The following CWF19L2 variants were observed in gnomAD, a reference collection of about 807,000 sequenced individuals.
The protein encoded by CWF19L2 is CWF19-like protein 2.
A neutral mutation model predicts 111.7 loss-of-function variants in CWF19L2; 98 were observed. The observed-to-expected ratio is 0.88, with a 90% confidence interval of 0.75 to 1.04. The LOEUF (loss-of-function observed/expected upper bound fraction) is 1.04. Ranked by LOEUF, CWF19L2 falls within the 50% of genes least tolerant of loss-of-function variation. The probability of loss-of-function intolerance (pLI) is 0.00; values close to 1 mark genes in which losing one functional copy is unlikely to be tolerated. For synonymous variants in CWF19L2, 351 were observed against 342.9 expected, an observed-to-expected ratio of 1.02 and a Z score of -0.26; for missense variants, 1,101 against 1,051.4, an observed-to-expected ratio of 1.05 and a Z score of -0.65.
chr11:107,392,210 A>T (rs1403848413), intron 11 of CWF19L2, among the ~76,000 whole-genome samples: 1 of 152,218 alleles, frequency 6.6e-6, no homozygotes, highest in Non-Finnish European at 1.5e-5. Context: ...TTGTATATGC[A>T]ATTATCACTT....
At chr11:107,413,390 A>C (rs865796598) in intron 10 of CWF19L2, among the ~76,000 whole-genome samples, 16 of 152,164 alleles carry the variant, frequency 1.1e-4, no homozygotes, top group African/African-American at 3.4e-4. Flanking sequence ...AAGAAGGGTG[A>C]TGTCTGGCAC....
chr11:107,443,881 G>T (rs973722771), intron 3 of CWF19L2, among the ~76,000 whole-genome samples: 1 of 151,944 alleles, frequency 6.6e-6, no homozygotes, highest in Admixed American at 6.6e-5. Context: ...AGAAAACTAG[G>T]GCCACCTTAT....
intron 14 of CWF19L2, among the ~76,000 whole-genome samples, chr11:107,347,736 T>G (rs755188943): frequency 2.0e-5 from 3 of 152,208 alleles, no homozygotes; most frequent in Non-Finnish European, 4.4e-5. Context: ...CCTAAAATAT[T>G]ATATTTGTGT....
At chr11:107,408,924 G>A (rs1861119011) in intron 10 of CWF19L2, among the ~76,000 whole-genome samples, 1 of 151,958 alleles carries the variant, frequency 6.6e-6, no homozygotes, top group Admixed American at 6.6e-5. Context: ...AATTGAGAGT[G>A]CAAAGGCCTT....
At chr11:107,413,829 A>G (rs1861190161) in intron 10 of CWF19L2, among the ~76,000 whole-genome samples, 1 of 152,168 alleles carries the variant, frequency 6.6e-6, no homozygotes, top group Non-Finnish European at 1.5e-5. Flanking sequence ...AATTCTAGGG[A>G]AGTTGACATT....
chr11:107,370,463 T>C (rs1284610761), intron 12 of CWF19L2, among the ~76,000 whole-genome samples: 1 of 136,130 alleles, frequency 7.3e-6, no homozygotes, highest in African/African-American at 3.0e-5. Context: ...TCACAAAAGA[T>C]TTGAGAATTA....
chr11:107,430,787 A>T (rs1435400898), intron 7 of CWF19L2, among the ~76,000 whole-genome samples: 1 of 152,066 alleles, frequency 6.6e-6, no homozygotes, highest in Non-Finnish European at 1.5e-5. Flanking sequence ...AAGCCTGGAG[A>T]TACGATGTAC....
chr11:107,327,923 T>C (rs1480117270), intron 17 of CWF19L2, among the ~76,000 whole-genome samples: 2 of 152,144 alleles, frequency 1.3e-5, no homozygotes, highest in East Asian at 3.9e-4. Context: ...ACATAATCTT[T>C]CAGATGCAGG....
At chr11:107,445,868 A>G (rs886896643) in intron 3 of CWF19L2, among the ~76,000 whole-genome samples, 5 of 152,202 alleles carry the variant, frequency 3.3e-5, no homozygotes, top group African/African-American at 9.6e-5. Context: ...GAAGTAATGT[A>G]CTTCCCATGC....
At chr11:107,408,007 G>A (rs1464521461) in intron 10 of CWF19L2, among the ~76,000 whole-genome samples, 1 of 151,904 alleles carries the variant, frequency 6.6e-6, no homozygotes, top group East Asian at 1.9e-4. Flanking sequence ...AAGGCTTACA[G>A]ATAGTAGTCA....
In CWF19L2 at chr11:107,326,856, T is replaced by A. The variant is rs1445022252; in HGVS notation, c.*54A>T. 5 of 1,473,274 alleles carry A rather than the reference T, an allele frequency of 3.4e-6. No individual in the cohort carries two copies. The highest frequency in any genetic ancestry group is 4.6e-6 in the Non-Finnish European group (5 of 1,093,844). The allele number at this position is 1,473,274 out of a possible 1,614,324, so 91.3% of individuals were successfully genotyped here. A position where few individuals can be genotyped will look rare whatever the true frequency, so the allele number is the denominator to read the frequency against. On this transcript the variant is annotated 3_prime_UTR_variant, in exon 18 of 18. Transcript: ENST00000282251. Reference sequence around the variant, plus strand: ...GGGTCAGTTGCTTCATTAGATGCAATGGAAATAAAACTGAACGGGATCTGA... The same window carrying A: ...GGGTCAGTTGCTTCATTAGATGCAAAGGAAATAAAACTGAACGGGATCTGA...
intron 3 of CWF19L2, among the ~76,000 whole-genome samples, chr11:107,449,183 T>C (rs558393611): frequency 2.0e-5 from 3 of 149,780 alleles, no homozygotes; most frequent in South Asian, 4.2e-4. Context: ...AAATTCTTTA[T>C]CTAGCCAAGT....
intron 3 of CWF19L2, among the ~76,000 whole-genome samples, chr11:107,454,158 G>A (rs1285924979): frequency 6.6e-6 from 1 of 152,202 alleles, no homozygotes; most frequent in Non-Finnish European, 1.5e-5. Flanking sequence ...GGCCTTGAGT[G>A]AACACCAGCT....
intron 12 of CWF19L2, among the ~76,000 whole-genome samples, chr11:107,378,106 G>C (rs1860622006): frequency 6.6e-6 from 1 of 150,508 alleles, no homozygotes; most frequent in South Asian, 2.1e-4. Context: ...TCATTAAAAA[G>C]TCAGGAAACA....
At chr11:107,418,514 C>A (rs565086414) in intron 8 of CWF19L2, among the ~76,000 whole-genome samples, 81 of 152,260 alleles carry the variant, frequency 5.3e-4, no homozygotes, top group African/African-American at 1.8e-3. Context: ...TGATCAAAAT[C>A]CCAATAACAA....
At chr11:107,409,632 C>T (rs980391428) in intron 10 of CWF19L2, among the ~76,000 whole-genome samples, 2 of 151,992 alleles carry the variant, frequency 1.3e-5, no homozygotes, top group Non-Finnish European at 2.9e-5. Context: ...TTAGGACTAA[C>T]ATATTAAAGA....
intron 6 of CWF19L2, 70 bp from the exon 7 acceptor site, chr11:107,433,819 T>C (rs1861499353): frequency 2.2e-6 from 1 of 462,056 alleles, no homozygotes; most frequent in Non-Finnish European, 3.5e-6. Flanking sequence ...GTATTGCTTC[T>C]ATGACTTCTA....
At chr11:107,437,582 C>A (rs1267394842) in intron 6 of CWF19L2, among the ~76,000 whole-genome samples, 1 of 152,108 alleles carries the variant, frequency 6.6e-6, no homozygotes, top group African/African-American at 2.4e-5. Flanking sequence ...GTCATTTTTT[C>A]TCTTTCTGAA....
chr11:107,418,375 C>T (rs553819248), intron 8 of CWF19L2, 88 bp from the exon 9 acceptor site: 2 of 814,222 alleles, frequency 2.5e-6, no homozygotes, highest in Non-Finnish European at 4.3e-6. Flanking sequence ...TTTAACTGAC[C>T]TCAACAAAGC....
Sources: allele counts gnomAD v4.1 joint callset (sites outside exome capture counted in the v4.1 genomes callset), GRCh38; gene constraint gnomAD v4.1.1; transcripts MANE v1.5; gene names NCBI Gene and HGNC (gene_info 2026-07-23, HGNC 2026-07-21).